KIRREL3: variants seen among roughly 807,000 people sequenced by gnomAD.
KIRREL3 encodes kin of IRRE-like protein 3.
In KIRREL3, 36 loss-of-function variants were observed where a neutral mutation model predicts 89.7. That is an observed-to-expected ratio of 0.40 (90% confidence interval 0.31 to 0.53). The LOEUF is 0.53. Ranked by LOEUF, KIRREL3 falls within the 20% of genes least tolerant of loss-of-function variation. KIRREL3 has a pLI of 0.49. For missense variants in KIRREL3, 864 were observed against 1,056.6 expected (o/e 0.82, Z 2.53); for synonymous variants, 445 against 441.4 (o/e 1.01, Z -0.10).
At chr11:126,732,305 T>C (rs1403322191) in intron 1 of KIRREL3, among the ~76,000 whole-genome samples, 3 of 152,364 alleles carry the variant, frequency 2.0e-5, no homozygotes, top group East Asian at 1.9e-4. Context: ...CATCATTTGA[T>C]GAATTATTGT....
At chr11:126,767,545 T>C (rs1025424763) in intron 1 of KIRREL3, among the ~76,000 whole-genome samples, 1 of 152,182 alleles carries the variant, frequency 6.6e-6, no homozygotes, top group African/African-American at 2.4e-5. Flanking sequence ...TATAATGATA[T>C]ACACTGTGTA....
intron 7 of KIRREL3, among the ~76,000 whole-genome samples, chr11:126,451,635 TGTGTGCATGTATGGGC>T (rs1274209192): frequency 4.0e-5 from 6 of 150,964 alleles, no homozygotes; most frequent in Non-Finnish European, 7.4e-5. Context: ...TCCATGTGCA[TGTGTGCATGTATGGGC>T]GTGTGCATGT....
At chr11:126,913,556 C>T (rs1013176319) in intron 1 of KIRREL3, among the ~76,000 whole-genome samples, 27 of 152,190 alleles carry the variant, frequency 1.8e-4, no homozygotes, top group Non-Finnish European at 1.8e-4. Context: ...CTGGGAAAAA[C>T]GCAGTCCATG....
At chr11:126,572,931 C>A (rs913382890) in intron 1 of KIRREL3, among the ~76,000 whole-genome samples, 1 of 152,172 alleles carries the variant, frequency 6.6e-6, no homozygotes, top group Non-Finnish European at 1.5e-5. Context: ...CCAGCCCCTG[C>A]CCTCAAGCCC....
intron 1 of KIRREL3, among the ~76,000 whole-genome samples, chr11:126,821,351 A>ATG (rs1555047585): frequency 6.3e-4 from 66 of 105,116 alleles, no homozygotes; most frequent in African/African-American, 2.4e-3. Flanking sequence ...ATATATATAT[A>ATG]TGTAACTTCC....
chr11:126,586,295 G>A (rs528789963), intron 1 of KIRREL3, among the ~76,000 whole-genome samples: 1 of 152,268 alleles, frequency 6.6e-6, no homozygotes, highest in African/African-American at 2.4e-5. Flanking sequence ...ATTGTTTAGC[G>A]CTGCCGTTTC....
Position 126,424,185 on chromosome 11 carries a change from C to G in KIRREL3, c.*395G>C, listed in dbSNP as rs7113456. 0.65 allele frequency: 165,588 copies of G among 253,772 alleles called. 55,432 individuals are homozygous for G. The highest frequency in any genetic ancestry group is 0.89 in the East Asian group (9,772 of 11,038). 15.7% of individuals were successfully genotyped at this position (253,772 alleles called of 1,614,324 possible). On this transcript the variant is annotated 3_prime_UTR_variant, in exon 17 of 17. Coordinates refer to ENST00000525144, the MANE Select transcript of KIRREL3 (RefSeq NM_032531.4). ...ACAGGCACAGGGGTAGGTAGAGCTT[C>G]TGGTCAGCGAGGGGTAGAGCCCACA...
At chr11:126,482,789 T>A (rs1415338949) in intron 4 of KIRREL3, among the ~76,000 whole-genome samples, 1 of 152,190 alleles carries the variant, frequency 6.6e-6, no homozygotes, top group Non-Finnish European at 1.5e-5. Flanking sequence ...CCCCTCCCTC[T>A]GGGCCCCCCC....
intron 1 of KIRREL3, among the ~76,000 whole-genome samples, chr11:126,618,348 C>T (rs905891193): frequency 1.3e-5 from 2 of 152,160 alleles, no homozygotes; most frequent in African/African-American, 2.4e-5. Flanking sequence ...GCGCAGAAAC[C>T]GCCATGTTTC....
intron 1 of KIRREL3, among the ~76,000 whole-genome samples, chr11:126,599,823 C>T (rs948529543): frequency 6.6e-6 from 1 of 152,142 alleles, no homozygotes; most frequent in Non-Finnish European, 1.5e-5. Flanking sequence ...CTGACTTGAC[C>T]CCAGCTGGTT....
Position 126,544,093 on chromosome 11 carries a change from G to A in KIRREL3, c.134-17406C>T, listed in dbSNP as rs1478169103. 4 of 152,256 alleles carry A rather than the reference G, an allele frequency of 2.6e-5. No individual in the cohort carries two copies. Among genetic ancestry groups the A allele is most frequent in the African/African-American group, 9.6e-5 (4 of 41,464 alleles). The allele number at this position is 152,256 out of a possible 1,614,324, so 9.4% of individuals were successfully genotyped here. On this transcript the variant is annotated intron_variant, in intron 2 of 16. Coordinates refer to ENST00000525144, the MANE Select transcript of KIRREL3 (RefSeq NM_032531.4). The surrounding 1 kb of genome is among the most constrained non-coding windows in gnomAD (Gnocchi z 5.6). ...CCAGCATGGAGTGCCCCTGGAGGTG[G>A]CGACAGCTCCTCTAATAAGAGAGTT...
At position 126,574,322 on chromosome 11, in the gene KIRREL3, C is replaced by T. The variant is rs1208180380; in HGVS notation, c.56-11410G>A. On this transcript the variant is annotated intron_variant, in intron 1 of 16. Transcript: ENST00000525144. This position sits in a 1 kb window ranked among gnomAD's most constrained non-coding sequence, Gnocchi z 5.3. The stretch of plus-strand genomic sequence containing the variant: ...AAACTCCCCCACCTCCTTCAGAGCC[C>T]CATATCCAAGCTGGTGGCCCAGCAA... Among the ~76,000 whole-genome samples, 3 of 152,156 alleles carry T rather than the reference C, an allele frequency of 2.0e-5. No individual in the cohort carries two copies. Among genetic ancestry groups the T allele is most frequent in the Non-Finnish European group, 4.4e-5 (3 of 68,028 alleles).
chr11:126,777,772 A>G (rs1950211117), intron 1 of KIRREL3, among the ~76,000 whole-genome samples: 1 of 152,190 alleles, frequency 6.6e-6, no homozygotes, highest in South Asian at 2.1e-4. Flanking sequence ...TTCCATGTCC[A>G]TAAATATACT....
intron 1 of KIRREL3, among the ~76,000 whole-genome samples, chr11:126,846,603 C>A (rs1181773451): frequency 6.6e-6 from 1 of 151,806 alleles, no homozygotes; most frequent in Non-Finnish European, 1.5e-5. Flanking sequence ...ACAGTTTTCA[C>A]CAAAAGTAAA....
rs1022591814 is a variant in KIRREL3, at chr11:126,814,240, T to A, written c.55+186215A>T. On this transcript the variant is annotated intron_variant, in intron 1 of 16. Transcript: ENST00000525144. The surrounding 1 kb of genome is among the most constrained non-coding windows in gnomAD (Gnocchi z 4.4). ...ATGCCAGGCAGAATGGCTTTTTTTT[T>A]AAAATTAAAAAGTCAAAAAGCAACA... Among the ~76,000 whole-genome samples, 4 of 151,676 alleles carry A rather than the reference T, an allele frequency of 2.6e-5. No homozygotes were observed. Among genetic ancestry groups the A allele is most frequent in the South Asian group, 2.1e-4 (1 of 4,780 alleles).
At chr11:126,863,412 T>TGC (rs1944778117) in intron 1 of KIRREL3, among the ~76,000 whole-genome samples, 1 of 71,362 alleles carries the variant, frequency 1.4e-5, no homozygotes, top group Non-Finnish European at 2.6e-5. Context: ...CGTGAGTGCG[T>TGC]GTGTGAGCGC....
At chr11:126,727,889 G>A (rs192146563) in intron 1 of KIRREL3, among the ~76,000 whole-genome samples, 13 of 152,114 alleles carry the variant, frequency 8.5e-5, no homozygotes, top group Admixed American at 5.9e-4. Context: ...AGTGGGATGC[G>A]GATCAGAAGC....
Position 126,764,752 on chromosome 11 carries a change from AG to A in KIRREL3, c.56-201841del, listed in dbSNP as rs533910921. The stretch of plus-strand genomic sequence containing the variant: ...AGTGGAACATACTATCCAGCTTCTT[AG>A]GGCCTGTGCTGTAAGCCTCCGGGGC... On this transcript the variant is annotated intron_variant, in intron 1 of 16. Transcript: ENST00000525144. The surrounding 1 kb of genome is among the most constrained non-coding windows in gnomAD (Gnocchi z 4.2). 6.8e-4 allele frequency among the ~76,000 whole-genome samples: 104 copies of A among 152,294 alleles called. No individual in the cohort carries two copies. Among genetic ancestry groups the A allele is most frequent in the African/African-American group, 2.2e-3 (93 of 41,572 alleles).
chr11:126,572,930 G>C (rs973238323), intron 1 of KIRREL3, among the ~76,000 whole-genome samples: 15 of 152,176 alleles, frequency 9.9e-5, no homozygotes, highest in African/African-American at 3.4e-4. Context: ...TCCAGCCCCT[G>C]CCCTCAAGCC....
Sources: allele counts gnomAD v4.1 joint callset (sites outside exome capture counted in the v4.1 genomes callset), GRCh38; gene constraint gnomAD v4.1.1; non-coding constraint Gnocchi (gnomAD v3.1); transcripts MANE v1.5; gene names NCBI Gene and HGNC (gene_info 2026-07-23, HGNC 2026-07-21).